The following RABGAP1L variants were observed in gnomAD, a reference collection of about 807,000 sequenced individuals.
RABGAP1L encodes the protein RAB GTPase activating protein 1 like, also known as rab GTPase-activating protein 1-like.
Under a neutral mutation model 137.7 loss-of-function variants are expected in RABGAP1L, and 63 were observed. The observed-to-expected ratio is 0.46, with a 90% CI of 0.37 to 0.56. The LOEUF is 0.56. Among genes scored for constraint, RABGAP1L ranks in the 20% least tolerant of loss-of-function variants. The probability of loss-of-function intolerance (pLI) is 0.00; values close to 1 mark genes in which losing one functional copy is unlikely to be tolerated. For missense variants in RABGAP1L, 1,095 were observed against 1,244.0 expected, an observed-to-expected ratio of 0.88 and a Z score of 1.80; for synonymous variants, 431 against 433.7, an observed-to-expected ratio of 0.99 and a Z score of 0.08.
chr1:174,981,754 A>T (rs190222982), intron 23 of RABGAP1L, among the ~76,000 whole-genome samples: 16 of 151,912 alleles, frequency 1.1e-4, no homozygotes, highest in Admixed American at 3.3e-4. Flanking sequence ...TTATTTATCT[A>T]GATTTTTTCC....
intron 19 of RABGAP1L, among the ~76,000 whole-genome samples, chr1:174,949,453 A>G (rs1037889357): frequency 2.0e-5 from 3 of 152,192 alleles, no homozygotes; most frequent in African/African-American, 7.2e-5. Flanking sequence ...GAATCTAGTG[A>G]TGGATTGCCT....
At chr1:174,903,033 G>C (rs957358307) in intron 19 of RABGAP1L, among the ~76,000 whole-genome samples, 1 of 152,210 alleles carries the variant, frequency 6.6e-6, no homozygotes, top group Admixed American at 6.5e-5. Flanking sequence ...CAGTGACAAA[G>C]CTGGGATTTA....
intron 19 of RABGAP1L, among the ~76,000 whole-genome samples, chr1:174,830,567 C>G (rs1486827507): frequency 1.4e-5 from 2 of 147,022 alleles, no homozygotes; most frequent in Non-Finnish European, 3.0e-5. Context: ...ACCTCTGCCT[C>G]CCAGGTTCAA....
At chr1:174,500,189 C>G (rs1167893140) in intron 13 of RABGAP1L, among the ~76,000 whole-genome samples, 1 of 151,828 alleles carries the variant, frequency 6.6e-6, no homozygotes, top group Non-Finnish European at 1.5e-5. Flanking sequence ...AAGCGATTCT[C>G]CTGCCTCAGC....
chr1:174,806,344 A>T (rs1689296071), intron 18 of RABGAP1L, among the ~76,000 whole-genome samples: 1 of 152,210 alleles, frequency 6.6e-6, no homozygotes, highest in Admixed American at 6.5e-5. Context: ...TCACTCCTGT[A>T]ATCTTAGCTA....
At chr1:174,469,325 C>T (rs1422788795) in intron 13 of RABGAP1L, among the ~76,000 whole-genome samples, 1 of 152,068 alleles carries the variant, frequency 6.6e-6, no homozygotes, top group Non-Finnish European at 1.5e-5. Context: ...ATAACAAGGC[C>T]ACTACTTTCT....
chr1:174,361,624 T>C (rs1684151529), intron 11 of RABGAP1L, among the ~76,000 whole-genome samples: 1 of 152,140 alleles, frequency 6.6e-6, no homozygotes, highest in Admixed American at 6.5e-5. Context: ...TTTTTGTATG[T>C]TTATTTTGTA....
chr1:174,818,174 A>AGT (rs1253943642), intron 19 of RABGAP1L, among the ~76,000 whole-genome samples: 4 of 152,216 alleles, frequency 2.6e-5, no homozygotes, highest in African/African-American at 9.7e-5. Context: ...CTTATAGCGG[A>AGT]GTATATACAA....
At chr1:174,588,131 G>T (rs923108464) in intron 13 of RABGAP1L, among the ~76,000 whole-genome samples, 1 of 151,960 alleles carries the variant, frequency 6.6e-6, no homozygotes, top group African/African-American at 2.4e-5. Flanking sequence ...TTCCAAAAGT[G>T]CTGGGATTAC....
At chr1:174,729,533 A>G (rs1682282215) in intron 17 of RABGAP1L, among the ~76,000 whole-genome samples, 1 of 152,208 alleles carries the variant, frequency 6.6e-6, no homozygotes, top group African/African-American at 2.4e-5. Flanking sequence ...AGAGCAGACA[A>G]CCTACAGAAT....
At chr1:174,221,368 T>G (rs1669744666) in intron 3 of RABGAP1L, among the ~76,000 whole-genome samples, 1 of 152,238 alleles carries the variant, frequency 6.6e-6, no homozygotes, top group Non-Finnish European at 1.5e-5. Flanking sequence ...AGACTATGTC[T>G]GGGTCCTCAT....
chr1:174,975,971 T>G, intron 21 of RABGAP1L, 107 bp from the exon 22 acceptor site: 2 of 1,002,624 alleles, frequency 2.0e-6, no homozygotes, highest in Non-Finnish European at 1.5e-6. Flanking sequence ...TGACTTGCAA[T>G]AATTTTGGAA....
At chr1:174,952,254 CACTTTGGGAGG>C (rs942787037) in intron 19 of RABGAP1L, among the ~76,000 whole-genome samples, 1 of 147,538 alleles carries the variant, frequency 6.8e-6, no homozygotes, top group African/African-American at 2.6e-5. Context: ...GTAATCCCAG[CACTTTGGGAGG>C]CTGAGGTGGG....
chr1:174,300,364 A>G (rs1236465852), intron 10 of RABGAP1L, among the ~76,000 whole-genome samples: 1 of 151,856 alleles, frequency 6.6e-6, no homozygotes, highest in Non-Finnish European at 1.5e-5. Context: ...CATCTCTACT[A>G]AAAATACAAA....
At chr1:174,452,952 A>G (rs1422468628) in intron 13 of RABGAP1L, among the ~76,000 whole-genome samples, 1 of 152,170 alleles carries the variant, frequency 6.6e-6, no homozygotes, top group Non-Finnish European at 1.5e-5. Context: ...GGAATAAACC[A>G]TTGAGCATTA....
At chr1:174,427,445 T>C (rs1652096612) in intron 13 of RABGAP1L, among the ~76,000 whole-genome samples, 1 of 152,152 alleles carries the variant, frequency 6.6e-6, no homozygotes, top group Non-Finnish European at 1.5e-5. Flanking sequence ...CCTTTCCCAA[T>C]TTCTGTCTCT....
At chr1:174,567,791 G>A (rs145883612) in intron 13 of RABGAP1L, among the ~76,000 whole-genome samples, 175 of 152,290 alleles carry the variant, frequency 1.1e-3, no homozygotes, top group African/African-American at 4.1e-3. Context: ...TAAGGTAAAT[G>A]TAGAGAGAAA....
At chr1:174,893,572 A>G (rs1240220988) in intron 19 of RABGAP1L, among the ~76,000 whole-genome samples, 1 of 152,228 alleles carries the variant, frequency 6.6e-6, no homozygotes, top group Non-Finnish European at 1.5e-5. Flanking sequence ...CTTCTCTTTA[A>G]ATATACGAAT....
chr1:174,372,426 T>A (rs574693712), intron 12 of RABGAP1L, among the ~76,000 whole-genome samples: 6 of 152,076 alleles, frequency 3.9e-5, no homozygotes, highest in South Asian at 2.1e-4. Flanking sequence ...ATGTTAAAAA[T>A]TTTTTTTAAC....
Sources: gnomAD v4.1 joint callset for allele counts (sites outside exome capture counted in the v4.1 genomes callset) on GRCh38, gnomAD v4.1.1 for gene constraint, MANE v1.5 for transcripts, NCBI Gene and HGNC (gene_info 2026-07-23, HGNC 2026-07-21) for gene names.